POT1: variants seen among roughly 807,000 people sequenced by gnomAD.
POT1 encodes the protein protection of telomeres 1.
In POT1, 47 loss-of-function variants were observed where a neutral mutation model predicts 78.5. The observed-to-expected ratio is 0.60, with a 90% CI of 0.47 to 0.76. The LOEUF (loss-of-function observed/expected upper bound fraction) is 0.76, where lower values mean the gene tolerates loss of function less well. Ranked by LOEUF, POT1 falls within the 30% of genes least tolerant of loss-of-function variation. The pLI, the probability that POT1 is intolerant of heterozygous loss-of-function variation, is 0.00. For synonymous variants in POT1, 259 were observed against 260.7 expected (o/e 0.99, Z 0.06); for missense variants, 646 against 749.9 (o/e 0.86, Z 1.62).
intron 6 of POT1, among the ~76,000 whole-genome samples, chr7:124,874,850 G>A (rs139395597): frequency 6.6e-6 from 1 of 151,624 alleles, no homozygotes; most frequent in African/African-American, 2.4e-5. Flanking sequence ...GGGAGGAAAG[G>A]GAGAGAGGAA....
intron 2 of POT1, among the ~76,000 whole-genome samples, chr7:124,926,687 T>G (rs1797281914): frequency 6.6e-6 from 1 of 152,126 alleles, no homozygotes; most frequent in African/African-American, 2.4e-5. Flanking sequence ...AACCAAAGTG[T>G]ACATCGATGG....
chr7:124,879,273 C>T (rs562548323), intron 6 of POT1, among the ~76,000 whole-genome samples: 82 of 152,158 alleles, frequency 5.4e-4, no homozygotes, highest in Admixed American at 1.1e-3. Context: ...AAATTATATA[C>T]CAAGTCTGAG....
intron 12 of POT1, among the ~76,000 whole-genome samples, chr7:124,843,948 T>A (rs1429399458): frequency 6.6e-6 from 1 of 152,158 alleles, no homozygotes; most frequent in Non-Finnish European, 1.5e-5. Context: ...TAATTACACC[T>A]CTTTTCAAAT....
chr7:124,833,317 C>T (rs1315662828), intron 15 of POT1, among the ~76,000 whole-genome samples: 4 of 152,278 alleles, frequency 2.6e-5, no homozygotes, highest in African/African-American at 9.6e-5. Context: ...AGGTATCATG[C>T]TTACCGTATA....
At chr7:124,839,197 G>A (rs910545766) in intron 14 of POT1, among the ~76,000 whole-genome samples, 1 of 152,136 alleles carries the variant, frequency 6.6e-6, no homozygotes, top group African/African-American at 2.4e-5. Flanking sequence ...AGAAGGAACA[G>A]TCTTTTTAAG....
chr7:124,822,478 C>A lies in POT1; in HGVS notation c.*1484G>T. The A allele has an allele frequency of 2.3e-6, 1 of 438,206 alleles. No individual in the cohort carries two copies. The highest frequency in any genetic ancestry group is 4.7e-6 in the Non-Finnish European group (1 of 214,550). 27.1% of individuals were successfully genotyped at this position (438,206 alleles called of 1,614,324 possible). On this transcript the variant is annotated 3_prime_UTR_variant, in exon 19 of 19. Transcript: ENST00000357628. ...CATAGGAAGAGTTTTCCTTTGTTAA[C>A]GTGGAGATCTTGCAGGCTCACAGTG...
At chr7:124,889,114 T>A (rs1246208632) in intron 6 of POT1, among the ~76,000 whole-genome samples, 2 of 151,974 alleles carry the variant, frequency 1.3e-5, no homozygotes, top group Non-Finnish European at 2.9e-5. Flanking sequence ...AAGTTGTGAA[T>A]ACAAAGAAAA....
chr7:124,830,372 T>A (rs1794730831), intron 15 of POT1, among the ~76,000 whole-genome samples: 1 of 152,162 alleles, frequency 6.6e-6, no homozygotes, highest in South Asian at 2.1e-4. Flanking sequence ...GTCCATGCAA[T>A]TTGTTTTCAT....
intron 17 of POT1, among the ~76,000 whole-genome samples, chr7:124,825,734 C>T (rs1231354924): frequency 2.6e-5 from 4 of 152,112 alleles, no homozygotes; most frequent in African/African-American, 4.8e-5. Context: ...CTCTTCCCTA[C>T]TATGTTATAA....
At chr7:124,915,860 A>C (rs748355770) in intron 2 of POT1, among the ~76,000 whole-genome samples, 17 of 152,274 alleles carry the variant, frequency 1.1e-4, no homozygotes, top group Non-Finnish European at 2.1e-4. Flanking sequence ...TTATAATATA[A>C]TTTCCTAAGT....
At chr7:124,828,941 T>A (rs761747219) in intron 16 of POT1, 1 of 605,208 alleles carries the variant, frequency 1.7e-6, no homozygotes, top group East Asian at 3.9e-5. Context: ...CCAAACAACA[T>A]CTGCAGCACA....
At chr7:124,897,410 GAT>G (rs1796518423) in intron 4 of POT1, among the ~76,000 whole-genome samples, 198 bp from the exon 5 acceptor site, 1 of 151,464 alleles carries the variant, frequency 6.6e-6, no homozygotes, top group Non-Finnish European at 1.5e-5. Context: ...AAAAGGCAAA[GAT>G]ATAAGGTCAA....
At chr7:124,846,462 C>A (rs1361586265) in intron 12 of POT1, among the ~76,000 whole-genome samples, 1 of 151,754 alleles carries the variant, frequency 6.6e-6, no homozygotes, top group Non-Finnish European at 1.5e-5. Flanking sequence ...GCTGATGTAG[C>A]AGAAGGAGGG....
At chr7:124,856,089 T>C (rs1302192740) in intron 9 of POT1, among the ~76,000 whole-genome samples, 3 of 152,186 alleles carry the variant, frequency 2.0e-5, no homozygotes, top group African/African-American at 2.4e-5. Context: ...TATTATATTC[T>C]ATAATTGCAT....
intron 14 of POT1, among the ~76,000 whole-genome samples, chr7:124,840,387 G>C (rs1794997571): frequency 6.6e-6 from 1 of 151,518 alleles, no homozygotes; most frequent in Admixed American, 6.6e-5. Context: ...ACAATGAAAA[G>C]GTTACAAGGG....
intron 7 of POT1, among the ~76,000 whole-genome samples, chr7:124,866,155 T>C (rs1227839147): frequency 6.6e-6 from 1 of 152,136 alleles, no homozygotes; most frequent in Non-Finnish European, 1.5e-5. Context: ...GGAAAGCCCA[T>C]GATGTTTCCC....
intron 14 of POT1, 129 bp downstream of exon 14, chr7:124,840,844 T>C (rs1164647795): frequency 1.6e-6 from 1 of 636,450 alleles, no homozygotes; most frequent in Non-Finnish European, 2.6e-6. Context: ...TATATTCAAT[T>C]TTGTTAAATT....
At chr7:124,855,680 T>TA (rs931573775) in intron 9 of POT1, among the ~76,000 whole-genome samples, 1,716 of 143,728 alleles carry the variant, frequency 0.012, 33 homozygotes, top group African/African-American at 0.04. Flanking sequence ...CTAGAAACAC[T>TA]AAAAAAAAAA....
Position 124,863,480 on chromosome 7 carries a change from C to T in POT1, c.416G>A (p.Trp139Ter). The change falls in exon 8 of 19, where the codon TGG (tryptophan) becomes TAG (stop). Residue 139 changes from tryptophan (W) to a stop codon, truncating the protein, a stop_gained. Transcript: ENST00000357628. LOFTEE classifies it high-confidence loss of function. ...AGACGGTGACATATGAGTAGATGCC[C>T]AAACACGTAAGGCTTCTACCATTTT... ...DHKMVEALRV[W>*]ASTHMSPSWT... is the part of the protein sequence containing the mutation. The T allele has an allele frequency of 6.2e-7, 1 of 1,613,936 alleles. No individual in the cohort carries two copies. The highest frequency in any genetic ancestry group is 8.5e-7 in the Non-Finnish European group (1 of 1,179,878).
Sources: allele counts gnomAD v4.1 joint callset (sites outside exome capture counted in the v4.1 genomes callset), GRCh38; gene constraint gnomAD v4.1.1; transcripts MANE v1.5; gene names NCBI Gene and HGNC (gene_info 2026-07-23, HGNC 2026-07-21).